The following RCBTB2 variants were observed in gnomAD, a reference collection of about 807,000 sequenced individuals.
RCBTB2 encodes the protein RCC1 and BTB domain-containing protein 2.
RCBTB2 carries 55 observed loss-of-function variants against 65.4 expected under a neutral mutation model. The observed-to-expected ratio is 0.84, with a 90% CI of 0.68 to 1.05. The LOEUF is 1.05. RCBTB2 is among the 50% of genes least tolerant of loss of function. The probability of loss-of-function intolerance (pLI) is 0.00; values close to 1 mark genes in which losing one functional copy is unlikely to be tolerated. For missense variants in RCBTB2, 599 were observed against 680.1 expected (o/e 0.88, Z 1.33); for synonymous variants, 220 against 255.2 (o/e 0.86, Z 1.31).
At chr13:48,496,465 C>CT (rs1949976083) in intron 13 of RCBTB2, 144 bp from the exon 14 acceptor site, 1 of 741,100 alleles carries the variant, frequency 1.3e-6, no homozygotes, top group Admixed American at 3.3e-5. Context: ...CTGACTGACA[C>CT]TTACACTTCA....
At chr13:48,492,120 T>G (rs1019626632) in intron 14 of RCBTB2, among the ~76,000 whole-genome samples, 4 of 152,120 alleles carry the variant, frequency 2.6e-5, no homozygotes, top group African/African-American at 9.7e-5. Context: ...TCCCCTCTCA[T>G]CCTCATCCTC....
intron 14 of RCBTB2, among the ~76,000 whole-genome samples, chr13:48,495,982 T>C (rs1744760245): frequency 7.6e-6 from 1 of 131,210 alleles, no homozygotes; most frequent in Non-Finnish European, 1.5e-5. Context: ...AAATCAGAGC[T>C]ATAAATCCTT....
At chr13:48,521,721 T>C (rs1039329474) in intron 4 of RCBTB2, among the ~76,000 whole-genome samples, 177 bp downstream of exon 4, 3 of 152,210 alleles carry the variant, frequency 2.0e-5, no homozygotes, top group African/African-American at 7.2e-5. Flanking sequence ...TGCTGGCCCC[T>C]TCAGCATTCT....
intron 12 of RCBTB2, among the ~76,000 whole-genome samples, chr13:48,500,464 A>C (rs1349676558): frequency 2.0e-5 from 3 of 152,218 alleles, no homozygotes; most frequent in African/African-American, 7.2e-5. Flanking sequence ...AGGCTGAGGC[A>C]GGAGAATCAC....
Position 48,511,828 on chromosome 13 carries a change from C to G in RCBTB2, c.725G>C (p.Ser242Thr). Residue 242 changes from serine to threonine, a missense_variant, in exon 9 of 15, where the codon AGT becomes ACT. Transcript: ENST00000344532. ...TCTGCAAGGGGTTGGCTGGTTGCCACTGTTGCCGAGTCCAAGCTGCCCGTT... is the reference window on the plus strand; with the variant it reads ...TCTGCAAGGGGTTGGCTGGTTGCCAGTGTTGCCGAGTCCAAGCTGCCCGTT... ...NGNGQLGLGN[S>T]GNQPTPCRVA... The G allele has an allele frequency of 6.2e-7, 1 of 1,614,214 alleles. No individual in the cohort carries two copies. The highest frequency in any genetic ancestry group is 1.1e-5 in the South Asian group (1 of 91,078).
chr13:48,496,286 G>T lies in RCBTB2; in HGVS notation c.1420C>A (p.Arg474Ser), dbSNP rs1330301108. 1.3e-6 allele frequency: 2 copies of T among 1,587,554 alleles called. No individual in the cohort carries two copies. Among genetic ancestry groups the T allele is most frequent in the South Asian group, 1.1e-5 (1 of 87,798 alleles). Residue 474 changes from arginine (R) to serine (S), a missense_variant, in exon 14 of 15, where the codon CGT becomes AGT. Physicochemically the swap from Arg to Ser is moderately radical, Grantham distance 110. Transcript: ENST00000344532. ...LDLATFYRENRLKKLCQQTIK... is the reference protein window; with the variant it reads ...LDLATFYRENSLKKLCQQTIK... ...GTTTGTTGGCAGAGCTTTTTCAAACGATTTTCTCTATAAAATGTAGCCAAG... is the reference window on the plus strand; with the variant it reads ...GTTTGTTGGCAGAGCTTTTTCAAACTATTTTCTCTATAAAATGTAGCCAAG...
At chr13:48,497,933 G>A (rs148681694) in intron 13 of RCBTB2, among the ~76,000 whole-genome samples, 1 of 152,320 alleles carries the variant, frequency 6.6e-6, no homozygotes, top group East Asian at 1.9e-4. Flanking sequence ...CCCCAGCTCT[G>A]CGCCTCCTCC....
chr13:48,505,383 C>T (rs1027562092), intron 10 of RCBTB2, among the ~76,000 whole-genome samples: 6 of 152,182 alleles, frequency 3.9e-5, no homozygotes, highest in South Asian at 2.1e-4. Context: ...CAAATTAGTA[C>T]GACTTTCCCT....
Position 48,521,943 on chromosome 13 carries a change from G to C in RCBTB2, c.-4C>G. On this transcript the variant is annotated 5_prime_UTR_variant, in exon 4 of 15. Transcript: ENST00000344532. ...AAAGAGGAAGTTCTTCTTCCATATGGACTCAGTCCTGGGCAGTCCCTGAGG... is the reference window on the plus strand; with the variant it reads ...AAAGAGGAAGTTCTTCTTCCATATGCACTCAGTCCTGGGCAGTCCCTGAGG... 6.2e-7 allele frequency: 1 copy of C among 1,613,796 alleles called. No individual in the cohort carries two copies. Among genetic ancestry groups the C allele is most frequent in the Non-Finnish European group, 8.5e-7 (1 of 1,179,830 alleles).
At chr13:48,530,234 ACAGTAG>A (rs1356260273) in intron 1 of RCBTB2, among the ~76,000 whole-genome samples, 1 of 152,122 alleles carries the variant, frequency 6.6e-6, no homozygotes, top group Non-Finnish European at 1.5e-5. Context: ...GTAAACCTCA[ACAGTAG>A]CAGTATCTTG....
Position 48,502,707 on chromosome 13 carries a change from G to T in RCBTB2, c.1117+17C>A. 1 of 1,594,908 alleles carries T rather than the reference G, an allele frequency of 6.3e-7. No homozygotes were observed. Among genetic ancestry groups the T allele is most frequent in the Non-Finnish European group, 8.6e-7 (1 of 1,167,334 alleles). On this transcript the variant is annotated intron_variant, in intron 11 of 14. Coordinates refer to ENST00000344532, the MANE Select transcript of RCBTB2 (RefSeq NM_001268.4). ...AGATTTTCAGGCCATCCCCCAAATG[G>T]ACAGTGACCAGCTTACCCACGGAGA...
intron 1 of RCBTB2, 112 bp downstream of exon 1, chr13:48,532,916 G>A: frequency 2.2e-6 from 1 of 448,054 alleles, no homozygotes; most frequent in Non-Finnish European, 4.5e-6. Flanking sequence ...CTGGCGGGGA[G>A]GTCGGGCCGC....
At chr13:48,498,899 C>T (rs1255909395) in intron 13 of RCBTB2, among the ~76,000 whole-genome samples, 1 of 152,002 alleles carries the variant, frequency 6.6e-6, no homozygotes, top group East Asian at 1.9e-4. Flanking sequence ...CAACTCACAC[C>T]TCTCATCCCA....
At chr13:48,499,142 A>ACACACACACACACACT (rs1366425462) in intron 13 of RCBTB2, among the ~76,000 whole-genome samples, 127 of 132,364 alleles carry the variant, frequency 9.6e-4, no homozygotes, top group African/African-American at 3.1e-3. Context: ...ACACACACAC[A>ACACACACACACACACT]CTCTCTCTCT....
intron 14 of RCBTB2, among the ~76,000 whole-genome samples, chr13:48,495,067 AT>A (rs1949909262): frequency 6.6e-6 from 1 of 152,224 alleles, no homozygotes; most frequent in Non-Finnish European, 1.5e-5. Context: ...AAAAAAAGTT[AT>A]AACCTTTCAT....
chr13:48,503,779 G>A (rs533965315), intron 10 of RCBTB2, among the ~76,000 whole-genome samples: 1 of 152,246 alleles, frequency 6.6e-6, no homozygotes, highest in African/African-American at 2.4e-5. Context: ...GAACTCCAGA[G>A]CTCAAATGAT....
At chr13:48,505,749 C>T (rs1490730235) in intron 10 of RCBTB2, among the ~76,000 whole-genome samples, 1 of 151,812 alleles carries the variant, frequency 6.6e-6, no homozygotes, top group Admixed American at 6.6e-5. Flanking sequence ...ATCAGCTTTA[C>T]CATCTTTTCA....
chr13:48,525,135 T>C (rs1156731734), intron 1 of RCBTB2, among the ~76,000 whole-genome samples: 1 of 151,644 alleles, frequency 6.6e-6, no homozygotes, highest in African/African-American at 2.4e-5. Flanking sequence ...TATAGAAATA[T>C]ATTTATGACC....
At chr13:48,531,034 C>T (rs1952087375) in intron 1 of RCBTB2, among the ~76,000 whole-genome samples, 1 of 152,184 alleles carries the variant, frequency 6.6e-6, no homozygotes, top group African/African-American at 2.4e-5. Context: ...AATTGCAACC[C>T]ACACCTGCAC....
Sources: gnomAD v4.1 joint callset for allele counts (sites outside exome capture counted in the v4.1 genomes callset) on GRCh38, gnomAD v4.1.1 for gene constraint, MANE v1.5 for transcripts, NCBI Gene and HGNC (gene_info 2026-07-23, HGNC 2026-07-21) for gene names.